The following SHISA9 variants were observed in gnomAD, a reference collection of about 807,000 sequenced individuals.
The protein encoded by SHISA9 is shisa family member 9.
Under a neutral mutation model 38.0 loss-of-function variants are expected in SHISA9, and 13 were observed. That is an observed-to-expected ratio of 0.34 (90% confidence interval 0.22 to 0.54). The LOEUF (loss-of-function observed/expected upper bound fraction) is 0.54, where lower values mean the gene tolerates loss of function less well. Among genes scored for constraint, SHISA9 ranks in the 20% least tolerant of loss-of-function variants. SHISA9 has a pLI of 0.91. For synonymous variants in SHISA9, 275 were observed against 242.0 expected (o/e 1.14, Z -1.27); for missense variants, 538 against 575.8 (o/e 0.93, Z 0.67).
At chr16:13,352,699 A>AGCGGGGGGGGGGGGGGG in the SHISA9 span, among the ~76,000 whole-genome samples, 1 of 6,718 alleles carries the variant, frequency 1.5e-4, no homozygotes, top group Admixed American at 1.9e-3. Context: ...AAGGGAGATA[A>AGCGGGGGGGGGGGGGGG]GGGGGGGGGG....
chr16:13,535,054 G>C, the SHISA9 span, among the ~76,000 whole-genome samples: 3 of 152,066 alleles, frequency 2.0e-5, no homozygotes, highest in African/African-American at 7.2e-5. Flanking sequence ...AGATCAGCCT[G>C]ACCAACATGG....
the SHISA9 span, among the ~76,000 whole-genome samples, chr16:13,375,444 C>G: frequency 6.6e-6 from 1 of 152,116 alleles, no homozygotes; most frequent in African/African-American, 2.4e-5. Context: ...TTCCCCATTT[C>G]TTGTTTTTGT....
At chr16:13,252,907 C>T in the SHISA9 span, among the ~76,000 whole-genome samples, 10 of 152,174 alleles carry the variant, frequency 6.6e-5, no homozygotes, top group African/African-American at 1.9e-4. Flanking sequence ...CTGTGTAGGT[C>T]CATTTATACT....
In SHISA9 at chr16:12,947,726, A is replaced by G. The variant is rs567206440; in HGVS notation, c.691+30911A>G. On this transcript the variant is annotated intron_variant, in intron 2 of 4. Transcript: ENST00000558583. ...TCACTGGGCCAATTTAAGTCTCATT[A>G]ATCACACGAAGGAAAGAACTCCCTG... is the stretch of plus-strand genomic sequence containing the variant. 1.2e-4 allele frequency among the ~76,000 whole-genome samples: 19 copies of G among 152,340 alleles called. No homozygotes were observed. The South Asian group carries it at 3.9e-3, about 32-fold the overall frequency.
intron 2 of SHISA9, among the ~76,000 whole-genome samples, chr16:13,168,548 T>G (rs1006883862): frequency 6.6e-6 from 1 of 152,172 alleles, no homozygotes; most frequent in African/African-American, 2.4e-5. Context: ...TGTAGCAAAC[T>G]GCAAAGCCTT....
the SHISA9 span, among the ~76,000 whole-genome samples, chr16:13,258,646 G>A: frequency 0.14 from 21,419 of 152,190 alleles, 1,586 homozygotes; most frequent in Middle Eastern, 0.18. Context: ...CTGGAGGCGA[G>A]GCCTCAGAAT....
chr16:13,227,452 A>G (rs748938865), intron 4 of SHISA9, among the ~76,000 whole-genome samples: 8 of 152,208 alleles, frequency 5.3e-5, no homozygotes, highest in Non-Finnish European at 1.2e-4. Context: ...AATTTCTGGC[A>G]TAAGTGGCTA....
At chr16:13,069,141 A>G (rs1408912947) in intron 2 of SHISA9, among the ~76,000 whole-genome samples, 1 of 151,714 alleles carries the variant, frequency 6.6e-6, no homozygotes, top group African/African-American at 2.4e-5. Context: ...ACATATGTGT[A>G]CATATGCATG....
the SHISA9 span, among the ~76,000 whole-genome samples, chr16:13,422,054 A>G: frequency 3.9e-5 from 6 of 152,154 alleles, no homozygotes. Flanking sequence ...CCCAATCACT[A>G]CACAAGTGGA....
intron 2 of SHISA9, among the ~76,000 whole-genome samples, chr16:13,018,614 GT>G (rs1567183332): frequency 1.3e-5 from 2 of 152,208 alleles, no homozygotes; most frequent in East Asian, 3.8e-4. Flanking sequence ...TCAGTGCCTT[GT>G]TTCCATCTCA....
chr16:13,385,373 C>A, the SHISA9 span, among the ~76,000 whole-genome samples: 3 of 152,134 alleles, frequency 2.0e-5, no homozygotes, highest in Admixed American at 6.5e-5. Context: ...TTCATAGTAG[C>A]CCCAAACGGA....
At chr16:13,546,224 C>A in the SHISA9 span, among the ~76,000 whole-genome samples, 9 of 152,174 alleles carry the variant, frequency 5.9e-5, no homozygotes, top group Admixed American at 2.0e-4. Flanking sequence ...GTCCAAGCAA[C>A]CACCATCTCT....
the SHISA9 span, among the ~76,000 whole-genome samples, chr16:13,341,690 C>A: frequency 6.6e-6 from 1 of 152,136 alleles, no homozygotes; most frequent in Non-Finnish European, 1.5e-5. Flanking sequence ...ATTTGTTTCT[C>A]CATTTTAAAC....
chr16:12,910,529 A>G (rs1254282997), intron 1 of SHISA9: 9 of 985,310 alleles, frequency 9.1e-6, no homozygotes, highest in Non-Finnish European at 1.1e-5. Context: ...AGCTTTCATA[A>G]GAAAGTACTG....
At chr16:13,208,933 A>G (rs1406076085) in intron 3 of SHISA9, among the ~76,000 whole-genome samples, 2 of 152,174 alleles carry the variant, frequency 1.3e-5, no homozygotes, top group Non-Finnish European at 2.9e-5. Context: ...ATCTAGCCTG[A>G]GAGGGGCCTT....
the SHISA9 span, among the ~76,000 whole-genome samples, chr16:13,296,307 T>A: frequency 6.6e-6 from 1 of 152,092 alleles, no homozygotes; most frequent in Non-Finnish European, 1.5e-5. Context: ...AATAAGTGGT[T>A]ACATCCTCAA....
At chr16:13,425,100 AAAAG>A in the SHISA9 span, among the ~76,000 whole-genome samples, 1 of 152,270 alleles carries the variant, frequency 6.6e-6, no homozygotes, top group Admixed American at 6.5e-5. Flanking sequence ...TGAATGCAGA[AAAAG>A]AAAATCCAAT....
chr16:13,438,706 C>T, the SHISA9 span, among the ~76,000 whole-genome samples: 1 of 152,046 alleles, frequency 6.6e-6, no homozygotes, highest in Non-Finnish European at 1.5e-5. Flanking sequence ...ACTGTGAAGA[C>T]TATGTAACCG....
chr16:12,908,762 A>T, intron 1 of SHISA9: 3 of 1,403,180 alleles, frequency 2.1e-6, no homozygotes, highest in Non-Finnish European at 2.8e-6. Flanking sequence ...CGGCCCCGGC[A>T]GGCCCAGACG....
Sources: allele counts gnomAD v4.1 joint callset (sites outside exome capture counted in the v4.1 genomes callset), GRCh38; gene constraint gnomAD v4.1.1; transcripts MANE v1.5; gene names NCBI Gene and HGNC (gene_info 2026-07-23, HGNC 2026-07-21).